Variants in OLAH observed in about 807,000 individuals in gnomAD.
The protein encoded by OLAH is S-acyl fatty acid synthase thioesterase, medium chain.
OLAH carries 33 observed loss-of-function variants against 27.8 expected under a neutral mutation model. The observed-to-expected ratio is 1.19, with a 90% CI of 0.90 to 1.59. The LOEUF is 1.59. Among genes scored for constraint, OLAH ranks in the 40% most tolerant of loss-of-function variants. OLAH has a pLI of 0.00. For synonymous variants in OLAH, 120 were observed against 102.9 expected (o/e 1.17, Z -1.01); for missense variants, 359 against 310.8 (o/e 1.16, Z -1.17).
chr10:15,054,725 A>G (rs1424121660), intron 3 of OLAH, among the ~76,000 whole-genome samples: 1 of 152,108 alleles, frequency 6.6e-6, no homozygotes, highest in Non-Finnish European at 1.5e-5. Context: ...AATTCAATAC[A>G]GCACTTTGCA....
chr10:15,036,982 G>A (rs1044071915), intron 1 of OLAH, among the ~76,000 whole-genome samples: 7 of 152,070 alleles, frequency 4.6e-5, no homozygotes, highest in Admixed American at 4.6e-4. Context: ...CGGAGGCTGA[G>A]GCAGGAGAAT....
Position 15,056,441 on chromosome 10 carries a change from T to G in OLAH, c.164-5283T>G, listed in dbSNP as rs539806695. The stretch of plus-strand genomic sequence containing the variant: ...CCAAGCAGTATAGGAAAATTCTTAT[T>G]GCTCTATATTGTTGACAATACCGTT... On this transcript the variant is annotated intron_variant, in intron 3 of 7. Coordinates refer to ENST00000378228, the MANE Select transcript of OLAH (RefSeq NM_001039702.3). 7.2e-5 allele frequency among the ~76,000 whole-genome samples: 11 copies of G among 152,306 alleles called. No individual in the cohort carries two copies. In the South Asian group the frequency reaches 2.3e-3, roughly 32 times the overall value.
chr10:15,032,666 A>G (rs1229590944), intron 1 of OLAH, among the ~76,000 whole-genome samples: 1 of 151,776 alleles, frequency 6.6e-6, no homozygotes, highest in Non-Finnish European at 1.5e-5. Flanking sequence ...GGAATTCTAT[A>G]ACTTGTTTTT....
upstream of OLAH, among the ~76,000 whole-genome samples, chr10:15,043,069 C>T (rs1008760415): frequency 9.9e-5 from 15 of 151,852 alleles, no homozygotes; most frequent in African/African-American, 3.1e-4. Flanking sequence ...ACCATGTTAG[C>T]CAGGGTGGTC....
In OLAH at chr10:15,064,434, C is replaced by G; in HGVS notation, c.334C>G (p.Leu112Val). The change falls in exon 5 of 8, where the codon CTA (leucine) becomes GTA (valine). Residue 112 changes from leucine (L) to valine (V), a missense_variant. By Grantham distance (32) the Leu-to-Val change is conservative. Transcript: ENST00000378228. ...MGSYIAFRTA[L>V]GLKENNQPEP... ...ATCCTACATTGCTTTTAGGACTGCA[C>G]TAGGTCTAAAAGAAAACAATCAACC... 6.2e-7 allele frequency: 1 copy of G among 1,602,018 alleles called. No individual in the cohort carries two copies. Among genetic ancestry groups the G allele is most frequent in the South Asian group, 1.1e-5 (1 of 88,644 alleles).
chr10:15,057,375 T>C (rs1255403719), intron 3 of OLAH, among the ~76,000 whole-genome samples: 3 of 150,274 alleles, frequency 2.0e-5, no homozygotes, highest in Non-Finnish European at 4.4e-5. Flanking sequence ...TTTTCACATG[T>C]ATGTGGGTCT....
chr10:15,035,931 G>A (rs991319013), intron 1 of OLAH, among the ~76,000 whole-genome samples: 2 of 152,060 alleles, frequency 1.3e-5, no homozygotes, highest in Admixed American at 6.6e-5. Context: ...CCAATCTCGC[G>A]AGGCAGCTGA....
At chr10:15,049,611 A>C in intron 2 of OLAH, 24 bp from the exon 3 acceptor site, 1 of 1,498,014 alleles carries the variant, frequency 6.7e-7, no homozygotes, top group African/African-American at 1.4e-5. Flanking sequence ...CATAATGTTA[A>C]ATATATTTGA....
In OLAH at chr10:15,033,055, A is replaced by G. The variant is rs573335519; in HGVS notation, c.-164+705A>G. On this transcript the variant is annotated intron_variant, in intron 1 of 3. Transcript: ENST00000413672. ...AGTGGGCTAATTTTTTTTTTTTTTT[A>G]AAGTAGAGATGGGGTTTCACCATGT... Among the ~76,000 whole-genome samples, 5 of 134,392 alleles carry G rather than the reference A, an allele frequency of 3.7e-5. No individual in the cohort carries two copies. In the East Asian group the frequency reaches 9.6e-4, roughly 26 times the overall value. The allele number at this position is 134,392 out of a possible 152,430, so 88.2% of individuals were successfully genotyped here.
At chr10:15,047,085 C>A in intron 1 of OLAH, 41 bp from the exon 2 acceptor site, 1 of 466,164 alleles carries the variant, frequency 2.1e-6, no homozygotes, top group Non-Finnish European at 3.8e-6. Flanking sequence ...TCTTCTCTGT[C>A]TTCTCCTTCC....
chr10:15,034,162 G>GGA (rs1436443548), intron 1 of OLAH, among the ~76,000 whole-genome samples: 44 of 145,856 alleles, frequency 3.0e-4, no homozygotes, highest in African/African-American at 1.0e-3. Flanking sequence ...CACCCAGGCT[G>GGA]GAGTGCAATG....
At chr10:15,040,581 C>A (rs1319204572), upstream of OLAH, among the ~76,000 whole-genome samples, 2 of 152,160 alleles carry the variant, frequency 1.3e-5, no homozygotes, top group African/African-American at 4.8e-5. Context: ...CCCCTTCCTT[C>A]CTTCCCTTCC....
chr10:15,070,732 C>T (rs762138117), intron 6 of OLAH, among the ~76,000 whole-genome samples: 2 of 151,320 alleles, frequency 1.3e-5, no homozygotes, highest in East Asian at 1.9e-4. Flanking sequence ...CCACCCACCT[C>T]GGCCCCCCAA....
At chr10:15,054,062 G>A (rs1401624289) in intron 3 of OLAH, among the ~76,000 whole-genome samples, 1 of 127,266 alleles carries the variant, frequency 7.9e-6, no homozygotes, top group Non-Finnish European at 1.6e-5. Context: ...TTTTTGAGAT[G>A]GAGTCTCGCT....
At chr10:15,055,870 GAC>G (rs1356998876) in intron 3 of OLAH, among the ~76,000 whole-genome samples, 1 of 144,946 alleles carries the variant, frequency 6.9e-6, no homozygotes, top group Non-Finnish European at 1.5e-5. Context: ...TTTTTTTGGA[GAC>G]AGAGTCTCAC....
At chr10:15,047,606 G>T (rs1844046910) in intron 2 of OLAH, among the ~76,000 whole-genome samples, 1 of 152,202 alleles carries the variant, frequency 6.6e-6, no homozygotes, top group African/African-American at 2.4e-5. Context: ...TCGGGAGGGT[G>T]AGGCAGGAGA....
intron 1 of OLAH, among the ~76,000 whole-genome samples, chr10:15,034,792 TTTTC>T (rs201098293): frequency 0.068 from 8,826 of 130,576 alleles, 317 homozygotes; most frequent in Middle Eastern, 0.16. Context: ...TCATTTTTTC[TTTTC>T]TTTCTTTCTT....
chr10:15,036,170 G>A (rs1444601690), intron 1 of OLAH, among the ~76,000 whole-genome samples: 2 of 152,268 alleles, frequency 1.3e-5, no homozygotes, highest in South Asian at 2.1e-4. Flanking sequence ...ATTTCCTGGA[G>A]GTCAAATCCT....
intron 3 of OLAH, among the ~76,000 whole-genome samples, chr10:15,054,443 C>T (rs1260595100): frequency 6.6e-6 from 1 of 152,214 alleles, no homozygotes; most frequent in Non-Finnish European, 1.5e-5. Flanking sequence ...TACTCTACTT[C>T]CTTCTGCAAG....
Sources: gnomAD v4.1 joint callset for allele counts (sites outside exome capture counted in the v4.1 genomes callset) on GRCh38, gnomAD v4.1.1 for gene constraint, MANE v1.5 for transcripts, NCBI Gene and HGNC (gene_info 2026-07-23, HGNC 2026-07-21) for gene names.